The following SAP30L variants were observed in gnomAD, a reference collection of about 807,000 sequenced individuals.
SAP30L encodes the protein histone deacetylase complex subunit SAP30L.
SAP30L carries 10 observed loss-of-function variants against 22.3 expected under a neutral mutation model. The ratio of observed to expected loss-of-function variants is 0.45; its 90% CI spans 0.28 to 0.76. The LOEUF is 0.76. Ranked by LOEUF, SAP30L falls within the 30% of genes least tolerant of loss-of-function variation. SAP30L has a pLI of 0.14. For missense variants in SAP30L, 206 were observed against 237.9 expected, an observed-to-expected ratio of 0.87 and a Z score of 0.88; for synonymous variants, 91 against 94.1, an observed-to-expected ratio of 0.97 and a Z score of 0.19.
chr5:154,451,055 T>C (rs1244269139), intron 1 of SAP30L, 36 bp from the exon 2 acceptor site: 3 of 1,613,454 alleles, frequency 1.9e-6, no homozygotes, highest in South Asian at 1.1e-5. Flanking sequence ...CTCCAAGGAA[T>C]TGGCCAACTC....
At chr5:154,455,215 G>A (rs1437399699) in intron 3 of SAP30L, among the ~76,000 whole-genome samples, 1 of 152,006 alleles carries the variant, frequency 6.6e-6, no homozygotes, top group Non-Finnish European at 1.5e-5. Flanking sequence ...ACCATCCCCA[G>A]CCTAACCCAA....
At chr5:154,447,588 G>A (rs1229409196) in intron 1 of SAP30L, among the ~76,000 whole-genome samples, 2 of 152,206 alleles carry the variant, frequency 1.3e-5, no homozygotes, top group Non-Finnish European at 2.9e-5. Flanking sequence ...GACATCTGTT[G>A]CTACAAGCCT....
Position 154,456,257 on chromosome 5 carries a change from G to T in SAP30L, c.*229G>T, listed in dbSNP as rs140046446. ...ACTAAAAAAATCAGGATCATTAAAA[G>T]AATTAAAAACTATGTATTTCAGCAT... On this transcript the variant is annotated 3_prime_UTR_variant, in exon 4 of 4. Transcript: ENST00000297109. 3.9e-4 allele frequency: 136 copies of T among 347,434 alleles called. No homozygotes were observed. The highest frequency in any genetic ancestry group is 2.7e-3 in the African/African-American group (129 of 47,428). 21.5% of individuals were successfully genotyped at this position (347,434 alleles called of 1,614,324 possible). A position where few individuals can be genotyped will look rare whatever the true frequency, so the allele number is the denominator to read the frequency against.
At chr5:154,453,651 C>T in intron 3 of SAP30L, 151 bp downstream of exon 3, 1 of 620,636 alleles carries the variant, frequency 1.6e-6, no homozygotes, top group South Asian at 2.0e-5. Context: ...AATTTAGAAC[C>T]CCACAGCTTT....
At chr5:154,447,969 C>CTTTTTTTTTTT (rs140213326) in intron 1 of SAP30L, among the ~76,000 whole-genome samples, 11 of 88,370 alleles carry the variant, frequency 1.2e-4, no homozygotes, top group East Asian at 3.3e-4. Context: ...TTTTCTTTTT[C>CTTTTTTTTTTT]TTTTTTTTTT....
At chr5:154,450,623 T>C (rs1202658964) in intron 1 of SAP30L, among the ~76,000 whole-genome samples, 3 of 152,154 alleles carry the variant, frequency 2.0e-5, no homozygotes, top group Admixed American at 2.0e-4. Context: ...ACCCCCCTGA[T>C]GCCTCACTTT....
intron 1 of SAP30L, among the ~76,000 whole-genome samples, chr5:154,449,643 G>T (rs1032115763): frequency 3.9e-5 from 6 of 152,234 alleles, no homozygotes; most frequent in African/African-American, 1.4e-4. Flanking sequence ...GTGCTTTGTT[G>T]TGCTTTCTTC....
At position 154,457,349 on chromosome 5, in the gene SAP30L, A is replaced by T. The variant is rs906225990; in HGVS notation, c.*1321A>T. ...AGGGTGGGAGAAAGAAAAGAAAAGAATTTGGATTCTAATTTATGACCATCT... is the reference window on the plus strand; with the variant it reads ...AGGGTGGGAGAAAGAAAAGAAAAGATTTTGGATTCTAATTTATGACCATCT... On this transcript the variant is annotated 3_prime_UTR_variant, in exon 4 of 4. Coordinates refer to ENST00000297109, the MANE Select transcript of SAP30L (RefSeq NM_024632.6). 6.6e-6 allele frequency: 1 copy of T among 152,198 alleles called. No individual in the cohort carries two copies. The highest frequency in any genetic ancestry group is 2.4e-5 in the African/African-American group (1 of 41,446). The allele number at this position is 152,198 out of a possible 1,614,324, so 9.4% of individuals were successfully genotyped here. A position where few individuals can be genotyped will look rare whatever the true frequency, so the allele number is the denominator to read the frequency against.
intron 2 of SAP30L, among the ~76,000 whole-genome samples, chr5:154,452,906 C>T (rs1371528426): frequency 6.6e-6 from 1 of 151,892 alleles, no homozygotes; most frequent in African/African-American, 2.4e-5. Flanking sequence ...GTTGCTATAG[C>T]ATCTCCCTCC....
chr5:154,453,425 G>A lies in SAP30L; in HGVS notation c.348G>A (p.Val116=), dbSNP rs764438416. The A allele has an allele frequency of 6.2e-7, 1 of 1,613,936 alleles. No homozygotes were observed. The highest frequency in any genetic ancestry group is 8.5e-7 in the Non-Finnish European group (1 of 1,179,886). Residue 116 remains valine, a synonymous_variant, in exon 3 of 4, where the codon GTG becomes GTA. Transcript: ENST00000297109. ...AGGTTGATCTGTTCCAGCTGCAGGT[G>A]AACACCCTACGACGTTATAAACGAC... ...IPEVDLFQLQ[V]NTLRRYKRHY...
rs1757292180 is a variant in SAP30L, at chr5:154,457,678, G to T, written c.*1650G>T. On this transcript the variant is annotated 3_prime_UTR_variant, in exon 4 of 4. Coordinates refer to ENST00000297109, the MANE Select transcript of SAP30L (RefSeq NM_024632.6). ...CAAAGCTTTCGCCTGTGTTCAAAAT[G>T]CATGTCTAGCAGATTGCAGCCTTTT... is the stretch of plus-strand genomic sequence containing the variant. 1 of 152,188 alleles carries T rather than the reference G, an allele frequency of 6.6e-6. No homozygotes were observed. Among genetic ancestry groups the T allele is most frequent in the Non-Finnish European group, 1.5e-5 (1 of 68,036 alleles). 9.4% of individuals were successfully genotyped at this position (152,188 alleles called of 1,614,324 possible).
Position 154,446,142 on chromosome 5 carries a change from G to A in SAP30L, c.-463G>A, listed in dbSNP as rs1368282940. The A allele has an allele frequency of 6.6e-6, 1 of 151,676 alleles. No homozygotes were observed. The highest frequency in any genetic ancestry group is 2.4e-5 in the African/African-American group (1 of 41,354). 9.4% of individuals were successfully genotyped at this position (151,676 alleles called of 1,614,324 possible). A position where few individuals can be genotyped will look rare whatever the true frequency, so the allele number is the denominator to read the frequency against. On this transcript the variant is annotated 5_prime_UTR_variant, in exon 1 of 4. Coordinates refer to ENST00000297109, the MANE Select transcript of SAP30L (RefSeq NM_024632.6). ...GCGGGTTCGAGGCCGGGCCCCGCGC[G>A]AGGAGGCCGCGCCACCCCGGGGGAG...
At chr5:154,452,375 A>AC in intron 2 of SAP30L, 1 of 641,808 alleles carries the variant, frequency 1.6e-6, no homozygotes, top group Non-Finnish European at 1.9e-6. Flanking sequence ...CAAAAAAAAA[A>AC]AAAAAAAGGT....
chr5:154,451,556 A>T (rs1221101172), intron 2 of SAP30L, among the ~76,000 whole-genome samples: 2 of 144,318 alleles, frequency 1.4e-5, no homozygotes, highest in South Asian at 2.3e-4. Flanking sequence ...ACTTTTTTTT[A>T]AACCTTGTTT....
At chr5:154,447,217 G>A (rs1331519836) in intron 1 of SAP30L, among the ~76,000 whole-genome samples, 5 of 152,232 alleles carry the variant, frequency 3.3e-5, no homozygotes, top group African/African-American at 1.2e-4. Context: ...CCTTCAGACA[G>A]AGAAAGGTGG....
Position 154,456,306 on chromosome 5 carries a change from T to G in SAP30L, c.*278T>G, listed in dbSNP as rs527373639. ...ATTCAACAAAGCATTAAATCAATTC[T>G]ACTGGAAATGTGGGATAAGAAATAT... is the stretch of plus-strand genomic sequence containing the variant. On this transcript the variant is annotated 3_prime_UTR_variant, in exon 4 of 4. Transcript: ENST00000297109. The G allele has an allele frequency of 1.0e-4, 24 of 232,402 alleles. No individual in the cohort carries two copies. Among genetic ancestry groups the G allele is most frequent in the African/African-American group, 5.0e-4 (22 of 43,884 alleles). The allele number at this position is 232,402 out of a possible 1,614,324, so 14.4% of individuals were successfully genotyped here.
intron 2 of SAP30L, chr5:154,452,272 T>A (rs1335158422): frequency 6.1e-6 from 1 of 162,704 alleles, no homozygotes; most frequent in Non-Finnish European, 1.3e-5. Context: ...TGTCCCCTTT[T>A]CCAATGTTGG....
In SAP30L at chr5:154,460,635, AGTT is replaced by A. The variant is rs1339227581; in HGVS notation, c.*4611_*4613del. 2.0e-5 allele frequency: 3 copies of A among 152,252 alleles called. No individual in the cohort carries two copies. The highest frequency in any genetic ancestry group is 4.4e-5 in the Non-Finnish European group (3 of 68,044). 9.4% of individuals were successfully genotyped at this position (152,252 alleles called of 1,614,324 possible). On this transcript the variant is annotated 3_prime_UTR_variant, in exon 4 of 4. Coordinates refer to ENST00000297109, the MANE Select transcript of SAP30L (RefSeq NM_024632.6). ...TCTTGAGGTAGAAATGTCTACAGTC[AGTT>A]GTTTCATCTAGCTTGCATCTTAAAA... is the stretch of plus-strand genomic sequence containing the variant.
At position 154,451,122 on chromosome 5, in the gene SAP30L, A is replaced by G; in HGVS notation, c.233A>G (p.Lys78Arg). Residue 78 changes from lysine to arginine, a missense_variant, in exon 2 of 4, where the codon AAA becomes AGA. By Grantham distance (26) the Lys-to-Arg change is conservative. This residue lies in a region of SAP30L where 136 missense variants were observed against 187.4 expected (regional missense o/e 0.73). Transcript: ENST00000297109. ...CACCTATATATCTGTGATTTTCACA[A>G]AAATTTCATCCAGAGTGTCCGAAAT... ...VRHLYICDFH[K>R]NFIQSVRNKR... The G allele has an allele frequency of 6.2e-7, 1 of 1,614,134 alleles. No individual in the cohort carries two copies. The highest frequency in any genetic ancestry group is 8.5e-7 in the Non-Finnish European group (1 of 1,180,010).
Sources: gnomAD v4.1 joint callset for allele counts (sites outside exome capture counted in the v4.1 genomes callset) on GRCh38, gnomAD v4.1.1 for gene constraint, gnomAD v4.1.1 regional missense constraint, MANE v1.5 for transcripts, NCBI Gene and HGNC (gene_info 2026-07-23, HGNC 2026-07-21) for gene names.